GMDS: variants seen among roughly 807,000 people sequenced by gnomAD.
GMDS encodes the protein GDP-mannose 4,6 dehydratase.
GMDS carries 20 observed loss-of-function variants against 49.9 expected under a neutral mutation model. The ratio of observed to expected loss-of-function variants is 0.40; its 90% CI spans 0.28 to 0.58. The LOEUF (loss-of-function observed/expected upper bound fraction) is 0.58, where lower values mean the gene tolerates loss of function less well. Among genes scored for constraint, GMDS ranks in the 20% least tolerant of loss-of-function variants. The pLI is 0.42. For synonymous variants in GMDS, 177 were observed against 178.6 expected (o/e 0.99, Z 0.07); for missense variants, 362 against 481.4 (o/e 0.75, Z 2.32).
chr6:2,156,814 C>T (rs1777136036), intron 1 of GMDS, among the ~76,000 whole-genome samples: 1 of 151,780 alleles, frequency 6.6e-6, no homozygotes, highest in South Asian at 2.1e-4. Flanking sequence ...TTACATATGC[C>T]ATATATAAAC....
chr6:2,117,888 C>A (rs906968677), intron 2 of GMDS, among the ~76,000 whole-genome samples: 6 of 152,200 alleles, frequency 3.9e-5, no homozygotes, highest in African/African-American at 1.4e-4. Context: ...CCATTTGAAA[C>A]TGAAGACAGA....
intron 4 of GMDS, among the ~76,000 whole-genome samples, chr6:2,003,906 TA>T (rs1326401325): frequency 6.6e-6 from 1 of 152,138 alleles, no homozygotes; most frequent in African/African-American, 2.4e-5. Flanking sequence ...AAATTTCTGG[TA>T]AAGATCCAAT....
chr6:2,158,215 C>T (rs1483283516), intron 1 of GMDS, among the ~76,000 whole-genome samples: 5 of 151,976 alleles, frequency 3.3e-5, no homozygotes, highest in African/African-American at 9.7e-5. Flanking sequence ...TCTAGTAATG[C>T]TATATACATA....
At chr6:2,096,600 G>A (rs1773617475) in intron 4 of GMDS, among the ~76,000 whole-genome samples, 4 of 152,074 alleles carry the variant, frequency 2.6e-5, no homozygotes, top group South Asian at 4.1e-4. Flanking sequence ...AATTCAATCG[G>A]CATAGTTAGT....
chr6:1,700,002 G>A (rs1450915040), intron 9 of GMDS, among the ~76,000 whole-genome samples: 1 of 152,124 alleles, frequency 6.6e-6, no homozygotes, highest in Non-Finnish European at 1.5e-5. Flanking sequence ...CAGCTCACAC[G>A]TGCAGAATGT....
chr6:1,827,206 TACACA>T (rs1290395289), intron 7 of GMDS, among the ~76,000 whole-genome samples: 4 of 151,364 alleles, frequency 2.6e-5, no homozygotes, highest in Non-Finnish European at 5.9e-5. Context: ...GTATCCTGGA[TACACA>T]CTCGCTTCAA....
At chr6:2,068,250 T>C (rs1771747672) in intron 4 of GMDS, among the ~76,000 whole-genome samples, 2 of 152,182 alleles carry the variant, frequency 1.3e-5, no homozygotes, top group South Asian at 2.1e-4. Flanking sequence ...AAATTAGGTA[T>C]TGATGGGACG....
Position 2,145,629 on chromosome 6 carries a change from G to A in GMDS, c.103-20898C>T, listed in dbSNP as rs115644477. ...CGCTGCATCCACGGATTAAACCAAC[G>A]TCAGATGGAAAATATTCAGAAAACA... is the stretch of plus-strand genomic sequence containing the variant. On this transcript the variant is annotated intron_variant, in intron 1 of 10. Coordinates refer to ENST00000380815, the MANE Select transcript of GMDS (RefSeq NM_001500.4). Among the ~76,000 whole-genome samples the A allele has an allele frequency of 5.7e-3, 870 of 152,114 alleles. 2 individuals are homozygous for A. Among genetic ancestry groups the A allele is most frequent in the Middle Eastern group, 0.017 (5 of 294 alleles).
intron 7 of GMDS, among the ~76,000 whole-genome samples, chr6:1,744,699 C>T (rs1040894186): frequency 2.0e-5 from 3 of 152,212 alleles, no homozygotes; most frequent in African/African-American, 7.2e-5. Context: ...CCTGTGTGCA[C>T]GAGCAGAGGC....
At chr6:2,155,619 T>C (rs150725739) in intron 1 of GMDS, among the ~76,000 whole-genome samples, 204 of 152,242 alleles carry the variant, frequency 1.3e-3, no homozygotes, top group Middle Eastern at 0.01. Flanking sequence ...AAGAATATAA[T>C]TGTTTTAAAT....
chr6:1,751,739 G>A (rs971106763), intron 7 of GMDS, among the ~76,000 whole-genome samples: 3 of 152,154 alleles, frequency 2.0e-5, no homozygotes, highest in African/African-American at 7.2e-5. Flanking sequence ...TGATCCACCT[G>A]CCTCAGGCTC....
At chr6:1,941,020 C>T (rs1326224216) in intron 6 of GMDS, among the ~76,000 whole-genome samples, 1 of 151,996 alleles carries the variant, frequency 6.6e-6, no homozygotes, top group Non-Finnish European at 1.5e-5. Context: ...GGTTGAGAAC[C>T]ATGGCCTTAG....
chr6:1,989,771 G>A (rs919408570), intron 4 of GMDS, among the ~76,000 whole-genome samples: 2 of 152,332 alleles, frequency 1.3e-5, no homozygotes, highest in Middle Eastern at 3.4e-3. Flanking sequence ...GCTGCTCTCT[G>A]TGACCCCTGT....
chr6:2,072,237 T>C (rs1294286956), intron 4 of GMDS, among the ~76,000 whole-genome samples: 4 of 152,194 alleles, frequency 2.6e-5, no homozygotes, highest in East Asian at 3.9e-4. Flanking sequence ...GTTTCTACAA[T>C]TGAGATCCAG....
At chr6:2,048,939 G>A (rs1052819318) in intron 4 of GMDS, among the ~76,000 whole-genome samples, 3 of 152,158 alleles carry the variant, frequency 2.0e-5, no homozygotes, top group African/African-American at 7.2e-5. Flanking sequence ...GGGCCTTTGG[G>A]AGGTAAGCAG....
At chr6:2,096,673 G>A (rs1773620803) in intron 4 of GMDS, among the ~76,000 whole-genome samples, 1 of 152,028 alleles carries the variant, frequency 6.6e-6, no homozygotes, top group Non-Finnish European at 1.5e-5. Context: ...GTAATTCTAG[G>A]ACTAATCAAA....
chr6:1,905,476 A>C (rs376142300), intron 7 of GMDS, among the ~76,000 whole-genome samples: 61 of 119,842 alleles, frequency 5.1e-4, no homozygotes, highest in South Asian at 1.9e-3. Context: ...GGTGGGGCCT[A>C]AAAGGTGCCT....
intron 1 of GMDS, among the ~76,000 whole-genome samples, chr6:2,176,514 G>A (rs960928461): frequency 4.6e-5 from 7 of 152,170 alleles, no homozygotes; most frequent in Non-Finnish European, 1.0e-4. Flanking sequence ...GAAATTCGGG[G>A]TTGGGTGGGA....
At chr6:1,982,587 C>A (rs1398265056) in intron 4 of GMDS, among the ~76,000 whole-genome samples, 1 of 152,096 alleles carries the variant, frequency 6.6e-6, no homozygotes, top group Non-Finnish European at 1.5e-5. Flanking sequence ...CAACCACACG[C>A]AGGCTGAGAG....
Sources: gnomAD v4.1 joint callset for allele counts (sites outside exome capture counted in the v4.1 genomes callset) on GRCh38, gnomAD v4.1.1 for gene constraint, MANE v1.5 for transcripts, NCBI Gene and HGNC (gene_info 2026-07-23, HGNC 2026-07-21) for gene names.